Variants in ANKRD35 observed in about 807,000 individuals in gnomAD.
The protein encoded by ANKRD35 is ankyrin repeat domain 35, also known as ankyrin repeat domain-containing protein 35.
Under a neutral mutation model 109.9 loss-of-function variants are expected in ANKRD35, and 102 were observed. The observed-to-expected ratio is 0.93, with a 90% CI of 0.79 to 1.09. The LOEUF (loss-of-function observed/expected upper bound fraction) is 1.09, where lower values mean the gene tolerates loss of function less well. ANKRD35 is among the 50% of genes least tolerant of loss of function. ANKRD35 has a pLI of 0.00. For missense variants in ANKRD35, 1,240 were observed against 1,230.1 expected (o/e 1.01, Z -0.12); for synonymous variants, 515 against 512.4 (o/e 1.01, Z -0.07).
intron 10 of ANKRD35, among the ~76,000 whole-genome samples, chr1:145,870,453 C>T (rs1461098947): frequency 6.6e-6 from 1 of 152,066 alleles, no homozygotes; most frequent in East Asian, 1.9e-4. Context: ...ATTTTATTAT[C>T]CTCATTTTAT....
chr1:145,874,132 G>C, intron 9 of ANKRD35, 23 bp downstream of exon 9: 1 of 1,614,056 alleles, frequency 6.2e-7, no homozygotes, highest in Non-Finnish European at 8.5e-7. Context: ...AAAAGCAAAA[G>C]GGGGAGGCAC....
intron 8 of ANKRD35, 103 bp from the exon 9 acceptor site, chr1:145,874,295 G>T: frequency 8.0e-7 from 1 of 1,254,152 alleles, no homozygotes; most frequent in Non-Finnish European, 1.2e-6. Context: ...TGGCCTCTCT[G>T]TGATCAATCT....
rs587648258 is a variant in ANKRD35, at chr1:145,879,291, C to A, written c.137G>T (p.Arg46Leu). Residue 46 changes from arginine (R) to leucine (L), a missense_variant, in exon 2 of 14, where the codon CGA becomes CTA. Physicochemically the swap from Arg to Leu is moderately radical, Grantham distance 102 (BLOSUM62 -2). Transcript: ENST00000355594. ...GCCATTCGAGTCAAGCTTGGTGGGT[C>A]GGGCAGATTTCCTGGAGGCCAGGGC... ...VAALASRKSA[R>L]PTKLDSNGQS... The A allele has an allele frequency of 1.2e-6, 2 of 1,611,242 alleles. No homozygotes were observed. Among genetic ancestry groups the A allele is most frequent in the Admixed American group, 1.7e-5 (1 of 59,712 alleles).
intron 1 of ANKRD35, among the ~76,000 whole-genome samples, chr1:145,882,296 C>CTTTTT (rs57073568): frequency 1.9e-5 from 2 of 103,552 alleles, no homozygotes; most frequent in Non-Finnish European, 4.0e-5. Context: ...TCTTTCTTTC[C>CTTTTT]TTTTTTTTTT....
intron 7 of ANKRD35, among the ~76,000 whole-genome samples, chr1:145,875,694 A>G (rs587721574): frequency 6.6e-6 from 1 of 152,104 alleles, no homozygotes; most frequent in African/African-American, 2.4e-5. Flanking sequence ...GACTACAGGC[A>G]CCCACCACCA....
Position 145,871,965 on chromosome 1 carries a change from C to T in ANKRD35, c.2787+17G>A. Reference sequence around the variant, plus strand: ...AAACTTTCCCCAGTGCTCCCCAGGGCTACCTCAGCTGCTCACCTTGGCTTC... The same window carrying T: ...AAACTTTCCCCAGTGCTCCCCAGGGTTACCTCAGCTGCTCACCTTGGCTTC... On this transcript the variant is annotated intron_variant, in intron 10 of 13. Transcript: ENST00000355594. The T allele has an allele frequency of 1.2e-6, 2 of 1,607,226 alleles. No homozygotes were observed. The highest frequency in any genetic ancestry group is 1.7e-6 in the Non-Finnish European group (2 of 1,179,822).
In ANKRD35 at chr1:145,876,122, T is replaced by G; in HGVS notation, c.560+18A>C. 6.2e-7 allele frequency: 1 copy of G among 1,611,388 alleles called. No homozygotes were observed. The highest frequency in any genetic ancestry group is 8.5e-7 in the Non-Finnish European group (1 of 1,178,462). ...GGTCAGGCATGGGAATTGGGGTGCA[T>G]AGACGAGGGGGGCTCACTTGTCATT... On this transcript the variant is annotated intron_variant, in intron 7 of 13. Transcript: ENST00000355594.
chr1:145,867,863 AC>A (rs1553737969), intron 12 of ANKRD35, 127 bp downstream of exon 12: 1 of 844,790 alleles, frequency 1.2e-6, no homozygotes, highest in Admixed American at 2.0e-5. Context: ...GAGACCTAGC[AC>A]TGGATCCAGC....
intron 10 of ANKRD35, among the ~76,000 whole-genome samples, chr1:145,870,183 C>G (rs1301349468): frequency 6.6e-6 from 1 of 151,526 alleles, no homozygotes; most frequent in Non-Finnish European, 1.5e-5. Context: ...CTCCACGTCC[C>G]GGGCTCACAC....
intron 5 of ANKRD35, 85 bp downstream of exon 5, chr1:145,876,731 C>T: frequency 3.1e-6 from 5 of 1,608,078 alleles, no homozygotes; most frequent in Admixed American, 3.3e-5. Flanking sequence ...CATTGGTTGG[C>T]CCTGGCTGCC....
At position 145,868,336 on chromosome 1, in the gene ANKRD35, T is replaced by G. The variant is rs2101699429; in HGVS notation, c.2852A>C (p.Asn951Thr). Residue 951 changes from asparagine (N) to threonine (T), a missense_variant, in exon 11 of 14, where the codon AAT (asparagine) becomes ACT (threonine). Coordinates refer to ENST00000355594, the MANE Select transcript of ANKRD35 (RefSeq NM_144698.5). ...SEEVLAIRGENARLALQLQDS... is the reference protein window; with the variant it reads ...SEEVLAIRGETARLALQLQDS... ...CTGCAGCTGCAGGGCAAGGCGAGCA[T>G]TTTCTCCCCGAATTGCTAGAACCTC... is the stretch of plus-strand genomic sequence containing the variant. 1 of 1,614,124 alleles carries G rather than the reference T, an allele frequency of 6.2e-7. No homozygotes were observed. Among genetic ancestry groups the G allele is most frequent in the Non-Finnish European group, 8.5e-7 (1 of 1,180,018 alleles).
chr1:145,880,987 A>G (rs1233035520), intron 1 of ANKRD35, among the ~76,000 whole-genome samples: 6 of 152,182 alleles, frequency 3.9e-5, no homozygotes, highest in Admixed American at 2.0e-4. Context: ...CAAAATTGGA[A>G]TTAGAATCCA....
intron 11 of ANKRD35, 37 bp from the exon 12 acceptor site, chr1:145,868,093 C>A (rs1413312940): frequency 1.2e-6 from 2 of 1,601,882 alleles, no homozygotes; most frequent in South Asian, 2.2e-5. Flanking sequence ...ACATGTCCAC[C>A]CTCAGTCACC....
intron 4 of ANKRD35, 52 bp downstream of exon 4, chr1:145,877,916 T>C (rs782294050): frequency 6.4e-7 from 1 of 1,556,248 alleles, no homozygotes; most frequent in Non-Finnish European, 8.9e-7. Flanking sequence ...GTTAGAAAAC[T>C]CTGGGACCAC....
At chr1:145,869,982 C>A (rs985484569) in intron 10 of ANKRD35, among the ~76,000 whole-genome samples, 2 of 151,894 alleles carry the variant, frequency 1.3e-5, no homozygotes, top group Admixed American at 6.6e-5. Flanking sequence ...CTTATTGAGG[C>A]AGAGGCACAA....
intron 1 of ANKRD35, among the ~76,000 whole-genome samples, chr1:145,879,689 C>T (rs587748242): frequency 6.6e-6 from 1 of 152,252 alleles, no homozygotes; most frequent in South Asian, 2.1e-4. Flanking sequence ...CTTTTGTCAT[C>T]ATGATTAGAG....
chr1:145,873,970 G>T lies in ANKRD35; in HGVS notation c.799C>A (p.Pro267Thr). The change falls in exon 10 of 14, where the codon CCC (proline) becomes ACC (threonine). Residue 267 changes from proline to threonine, a missense_variant. Physicochemically the swap from Pro to Thr is conservative, Grantham distance 38. Transcript: ENST00000355594. Reference sequence around the variant, plus strand: ...CTCTTAGGAGGAGAACCTGCCTGGGGCTCAGATGGAGAGGCCTATGTTGGA... The same window carrying T: ...CTCTTAGGAGGAGAACCTGCCTGGGTCTCAGATGGAGAGGCCTATGTTGGA... ...DLASQASPSEPQAGSPPKSSW... is the reference protein window; with the variant it reads ...DLASQASPSETQAGSPPKSSW... The T allele has an allele frequency of 6.2e-7, 1 of 1,614,010 alleles. No homozygotes were observed. Among genetic ancestry groups the T allele is most frequent in the Non-Finnish European group, 8.5e-7 (1 of 1,179,978 alleles).
Position 145,869,116 on chromosome 1 carries a change from T to A in ANKRD35, c.2788-716A>T, listed in dbSNP as rs72995929. Among the ~76,000 whole-genome samples the A allele has an allele frequency of 4.5e-3, 675 of 149,408 alleles. 1 individual carries two copies. The highest frequency in any genetic ancestry group is 0.015 in the African/African-American group (623 of 40,814). ...AAAACATTGAAAACTTAAAAAAATT[T>A]AAAAAAAAAACAGCTTTTCTTCCGG... On this transcript the variant is annotated intron_variant, in intron 10 of 13. Transcript: ENST00000355594.
chr1:145,871,181 T>TTTTTTTTTTTTTTA (rs1653807016), intron 10 of ANKRD35, among the ~76,000 whole-genome samples: 1 of 106,576 alleles, frequency 9.4e-6, no homozygotes, highest in Non-Finnish European at 1.8e-5. Context: ...TTTTTTTTTT[T>TTTTTTTTTTTTTTA]GAGACAGAGT....
Sources: gnomAD v4.1 joint callset for allele counts (sites outside exome capture counted in the v4.1 genomes callset) on GRCh38, gnomAD v4.1.1 for gene constraint, MANE v1.5 for transcripts, NCBI Gene and HGNC (gene_info 2026-07-23, HGNC 2026-07-21) for gene names.